Variants in CCDC158 observed in about 807,000 individuals in gnomAD.
CCDC158 encodes the protein coiled-coil domain-containing protein 158.
CCDC158 carries 116 observed loss-of-function variants against 138.6 expected under a neutral mutation model. The observed-to-expected ratio is 0.84, with a 90% confidence interval of 0.72 to 0.98. CCDC158 has a LOEUF of 0.98. Ranked by LOEUF, CCDC158 falls within the 50% of genes least tolerant of loss-of-function variation. The pLI, the probability that CCDC158 is intolerant of heterozygous loss-of-function variation, is 0.00. For missense variants in CCDC158, 1,265 were observed against 1,306.1 expected (o/e 0.97, Z 0.48); for synonymous variants, 436 against 442.4 (o/e 0.99, Z 0.18).
At chr4:76,338,308 G>A (rs939368953) in intron 18 of CCDC158, among the ~76,000 whole-genome samples, 3 of 152,084 alleles carry the variant, frequency 2.0e-5, no homozygotes, top group Non-Finnish European at 4.4e-5. Flanking sequence ...TCAGGAGTTC[G>A]AGACCAGCCT....
chr4:76,356,050 G>T (rs907280436), intron 14 of CCDC158, among the ~76,000 whole-genome samples: 4 of 151,892 alleles, frequency 2.6e-5, no homozygotes, highest in Admixed American at 2.0e-4. Context: ...AAGCATATCT[G>T]ATTTTTTCTC....
At chr4:76,361,106 C>T (rs140075706) in intron 13 of CCDC158, among the ~76,000 whole-genome samples, 2 of 152,118 alleles carry the variant, frequency 1.3e-5, no homozygotes, top group Admixed American at 6.5e-5. Context: ...AGCACCTCCC[C>T]CTTTGTGTGC....
intron 3 of CCDC158, among the ~76,000 whole-genome samples, chr4:76,396,769 G>A (rs1024498822): frequency 6.6e-6 from 1 of 152,064 alleles, no homozygotes; most frequent in Non-Finnish European, 1.5e-5. Context: ...CTGACCTCAG[G>A]TGAGCTGCCC....
chr4:76,373,508 T>G (rs1192806242), intron 9 of CCDC158, among the ~76,000 whole-genome samples: 1 of 152,192 alleles, frequency 6.6e-6, no homozygotes, highest in Admixed American at 6.5e-5. Context: ...CTAGAGAACA[T>G]ATGACTAAGA....
chr4:76,339,407 T>G (rs1721844285), intron 18 of CCDC158, among the ~76,000 whole-genome samples: 1 of 152,184 alleles, frequency 6.6e-6, no homozygotes, highest in Admixed American at 6.5e-5. Context: ...TAACTAGACA[T>G]ACAGATGAAA....
intron 4 of CCDC158, among the ~76,000 whole-genome samples, chr4:76,386,143 G>A (rs2109785265): frequency 6.6e-6 from 1 of 152,284 alleles, no homozygotes; most frequent in Non-Finnish European, 1.5e-5. Context: ...GACAGGAGAG[G>A]CTGGAGGCAG....
intron 2 of CCDC158, chr4:76,407,307 A>G (rs1042007579): frequency 1.3e-5 from 2 of 152,138 alleles, no homozygotes; most frequent in Admixed American, 1.3e-4. Context: ...GCTTCGTGCT[A>G]TCGTTTTTTA....
intron 7 of CCDC158, among the ~76,000 whole-genome samples, chr4:76,383,016 G>A (rs112389363): frequency 2.6e-5 from 4 of 152,012 alleles, no homozygotes; most frequent in South Asian, 2.1e-4. Flanking sequence ...TCCCATTAAC[G>A]AAACATATCA....
At chr4:76,398,654 G>A (rs1229516098) in intron 3 of CCDC158, among the ~76,000 whole-genome samples, 6 of 119,040 alleles carry the variant, frequency 5.0e-5, no homozygotes, top group East Asian at 4.7e-4. Context: ...GCAACAAAGC[G>A]AGACTCTGTC....
At chr4:76,324,642 G>A (rs778751584) in intron 23 of CCDC158, among the ~76,000 whole-genome samples, 2 of 152,074 alleles carry the variant, frequency 1.3e-5, no homozygotes, top group Non-Finnish European at 2.9e-5. Flanking sequence ...AATAACCACA[G>A]CTTTAAAAGG....
chr4:76,403,491 A>C (rs1011305695), intron 2 of CCDC158, among the ~76,000 whole-genome samples: 1 of 152,236 alleles, frequency 6.6e-6, no homozygotes, highest in African/African-American at 2.4e-5. Context: ...AGCCAAGTAC[A>C]TTATTAAAGA....
At chr4:76,352,739 A>G (rs1402483136) in intron 16 of CCDC158, 1 of 158,150 alleles carries the variant, frequency 6.3e-6, no homozygotes, top group Non-Finnish European at 1.4e-5. Flanking sequence ...TTACTTTATC[A>G]TTTTATTGAC....
intron 12 of CCDC158, among the ~76,000 whole-genome samples, chr4:76,366,512 C>T (rs1470366200): frequency 6.6e-6 from 1 of 152,010 alleles, no homozygotes. Flanking sequence ...TTATCGAGCA[C>T]CTTCTGGGTG....
intron 4 of CCDC158, among the ~76,000 whole-genome samples, chr4:76,387,425 G>C (rs1423666457): frequency 6.6e-6 from 1 of 152,164 alleles, no homozygotes; most frequent in African/African-American, 2.4e-5. Flanking sequence ...GGTGGCTCAT[G>C]CCTGTAATTC....
intron 9 of CCDC158, among the ~76,000 whole-genome samples, chr4:76,377,604 C>G (rs17001879): frequency 0.029 from 4,476 of 152,200 alleles, 221 homozygotes; most frequent in African/African-American, 0.1. Flanking sequence ...GTGGACATTC[C>G]TGCTATAAAT....
At chr4:76,371,584 A>G (rs1725245035) in intron 9 of CCDC158, 48 bp from the exon 10 acceptor site, 3 of 1,586,864 alleles carry the variant, frequency 1.9e-6, no homozygotes, top group Non-Finnish European at 2.6e-6. Flanking sequence ...GACAGTGGGT[A>G]ATATAAAATA....
chr4:76,334,212 TATGC>T, intron 18 of CCDC158, 45 bp from the exon 19 acceptor site: 1 of 1,457,984 alleles, frequency 6.9e-7, no homozygotes, highest in Non-Finnish European at 9.2e-7. Flanking sequence ...TTCAGATTTC[TATGC>T]TATTTCCTAT....
At chr4:76,384,525 G>T (rs752478620) in intron 5 of CCDC158, 31 bp downstream of exon 5, 24 of 1,576,012 alleles carry the variant, frequency 1.5e-5, no homozygotes, top group Non-Finnish European at 2.0e-5. Context: ...ATGAAAATAT[G>T]TGACTTTAAA....
At chr4:76,356,726 C>G (rs183034453) in intron 14 of CCDC158, 2 of 152,242 alleles carry the variant, frequency 1.3e-5, no homozygotes, top group Admixed American at 1.3e-4. Flanking sequence ...AAAAATAAAT[C>G]TTCTGACATT....
Sources: allele counts gnomAD v4.1 joint callset (sites outside exome capture counted in the v4.1 genomes callset), GRCh38; gene constraint gnomAD v4.1.1; transcripts MANE v1.5; gene names NCBI Gene and HGNC (gene_info 2026-07-23, HGNC 2026-07-21).